RAD51B: variants seen among roughly 807,000 people sequenced by gnomAD.
RAD51B encodes the protein DNA repair protein RAD51 homolog 2.
Under a neutral mutation model 42.2 loss-of-function variants are expected in RAD51B, and 38 were observed. That is an observed-to-expected ratio of 0.90 (90% CI 0.70 to 1.18). The LOEUF (loss-of-function observed/expected upper bound fraction) is 1.18, where lower values mean the gene tolerates loss of function less well. RAD51B is among the 50% of genes most tolerant of loss of function. The pLI, the probability that RAD51B is intolerant of heterozygous loss-of-function variation, is 0.00. For missense variants in RAD51B, 373 were observed against 400.7 expected (o/e 0.93, Z 0.59); for synonymous variants, 154 against 145.2 (o/e 1.06, Z -0.43).
rs77904294 is a variant in RAD51B, at chr14:68,472,944, T to C, written c.1036+4694T>C. On this transcript the variant is annotated intron_variant, in intron 10 of 10. Transcript: ENST00000471583. ...TGAAATGTATCAGGACAGGCATTAA[T>C]CTCTTCTGTTTGTTCCCTTGTCACA... Among the ~76,000 whole-genome samples, 295 of 152,366 alleles carry C rather than the reference T, an allele frequency of 1.9e-3. 1 individual carries two copies. Among genetic ancestry groups the C allele is most frequent in the African/African-American group, 6.8e-3 (283 of 41,578 alleles).
At chr14:67,849,728 A>G (rs7149360) in intron 4 of RAD51B, among the ~76,000 whole-genome samples, 3,715 of 152,224 alleles carry the variant, frequency 0.024, 72 homozygotes, top group African/African-American at 0.056. Context: ...CAGAAGCTCT[A>G]ATTGATTCCT....
intron 4 of RAD51B, among the ~76,000 whole-genome samples, chr14:67,848,192 T>C (rs1159021281): frequency 2.0e-5 from 3 of 152,120 alleles, no homozygotes; most frequent in Non-Finnish European, 4.4e-5. Flanking sequence ...CTAATTTTTG[T>C]ATTTTTAGTA....
intron 7 of RAD51B, among the ~76,000 whole-genome samples, chr14:67,924,246 A>G (rs879870727): frequency 6.6e-6 from 1 of 151,980 alleles, no homozygotes; most frequent in East Asian, 1.9e-4. Flanking sequence ...CGTCCCATCT[A>G]TTTATCCTTG....
intron 7 of RAD51B, among the ~76,000 whole-genome samples, chr14:68,166,255 A>T (rs2078748475): frequency 6.6e-6 from 1 of 151,872 alleles, no homozygotes; most frequent in South Asian, 2.1e-4. Context: ...ATGTTGTGAA[A>T]ACTAATGAAA....
intron 7 of RAD51B, among the ~76,000 whole-genome samples, chr14:68,031,004 C>T (rs2076032809): frequency 6.6e-6 from 1 of 152,210 alleles, no homozygotes; most frequent in Non-Finnish European, 1.5e-5. Context: ...ATTAAGTTTA[C>T]TGTCTTATAA....
chr14:68,404,832 G>A (rs12889770), intron 8 of RAD51B, among the ~76,000 whole-genome samples: 28,867 of 152,114 alleles, frequency 0.19, 2,975 homozygotes, highest in East Asian at 0.4. Context: ...AGAGGAAGCC[G>A]AGTATGGAGC....
At chr14:67,839,776 A>G (rs908123906) in intron 4 of RAD51B, among the ~76,000 whole-genome samples, 5 of 151,886 alleles carry the variant, frequency 3.3e-5, no homozygotes. Context: ...TTAATCTATT[A>G]ATTTTCAGTT....
At chr14:68,555,283 G>C (rs920431772) in intron 10 of RAD51B, among the ~76,000 whole-genome samples, 5 of 152,226 alleles carry the variant, frequency 3.3e-5, no homozygotes, top group Admixed American at 2.6e-4. Context: ...TGGAATTAAA[G>C]TATTTCTGGG....
chr14:68,372,311 TGG>T (rs2083281370), intron 8 of RAD51B, among the ~76,000 whole-genome samples: 1 of 151,912 alleles, frequency 6.6e-6, no homozygotes, highest in South Asian at 2.1e-4. Flanking sequence ...TCACTACAAA[TGG>T]AAACAGTGAA....
chr14:68,518,090 C>A (rs1378600643), intron 10 of RAD51B, among the ~76,000 whole-genome samples: 1 of 152,194 alleles, frequency 6.6e-6, no homozygotes. Context: ...ACAAGAGAAG[C>A]AGCTGGCCCA....
At chr14:67,877,160 G>T (rs980634019) in intron 5 of RAD51B, among the ~76,000 whole-genome samples, 1 of 151,952 alleles carries the variant, frequency 6.6e-6, no homozygotes, top group Non-Finnish European at 1.5e-5. Flanking sequence ...TAATGTGAGG[G>T]TCATTAAGAC....
intron 7 of RAD51B, among the ~76,000 whole-genome samples, chr14:67,984,115 T>G (rs951561558): frequency 1.3e-5 from 2 of 152,052 alleles, no homozygotes; most frequent in Non-Finnish European, 1.5e-5. Context: ...ATATTTGTAT[T>G]GTTAGTAGAG....
At chr14:67,840,029 T>C (rs1291340417) in intron 4 of RAD51B, among the ~76,000 whole-genome samples, 1 of 152,214 alleles carries the variant, frequency 6.6e-6, no homozygotes, top group Non-Finnish European at 1.5e-5. Flanking sequence ...TATTGATTTT[T>C]TGAAGTTCCC....
intron 8 of RAD51B, among the ~76,000 whole-genome samples, chr14:68,359,993 G>A (rs1157331065): frequency 2.0e-5 from 3 of 152,138 alleles, no homozygotes; most frequent in African/African-American, 7.2e-5. Flanking sequence ...GCCTGGGCTG[G>A]GCTCCTTAAG....
chr14:67,980,465 A>C (rs1220633376), intron 7 of RAD51B, among the ~76,000 whole-genome samples: 4 of 152,186 alleles, frequency 2.6e-5, no homozygotes, highest in Non-Finnish European at 5.9e-5. Flanking sequence ...AAAAGTGGAA[A>C]AAATTAGAGG....
chr14:68,518,554 G>GCCCCCCCCCCCCCGGCC (rs11341781), intron 10 of RAD51B, among the ~76,000 whole-genome samples: 1 of 137,360 alleles, frequency 7.3e-6, no homozygotes, highest in African/African-American at 2.7e-5. Context: ...GGTCATATGA[G>GCCCCCCCCCCCCCGGCC]CCCCCCCCCC....
At chr14:68,562,552 C>A in intron 10 of RAD51B, 1 of 985,374 alleles carries the variant, frequency 1.0e-6, no homozygotes, top group Non-Finnish European at 1.2e-6. Context: ...TGGCACGTGG[C>A]AAACTAACTC....
At chr14:68,682,855 C>T in intron 11 of RAD51B, 2 of 817,926 alleles carry the variant, frequency 2.4e-6, no homozygotes, top group Non-Finnish European at 2.9e-6. Context: ...GGATTTATTG[C>T]CTTTGAGTAT....
chr14:67,995,601 A>T (rs988455775), intron 7 of RAD51B, among the ~76,000 whole-genome samples: 12 of 149,024 alleles, frequency 8.1e-5, no homozygotes, highest in African/African-American at 3.0e-4. Context: ...AGCCCTGCTG[A>T]TTTTATATTC....
Sources: gnomAD v4.1 joint callset for allele counts (sites outside exome capture counted in the v4.1 genomes callset) on GRCh38, gnomAD v4.1.1 for gene constraint, MANE v1.5 for transcripts, NCBI Gene and HGNC (gene_info 2026-07-23, HGNC 2026-07-21) for gene names.